Variants in SLC15A2 observed in about 807,000 individuals in gnomAD.
SLC15A2 encodes kidney H(+)/peptide cotransporter.
SLC15A2 carries 77 observed loss-of-function variants against 95.5 expected under a neutral mutation model. That is an observed-to-expected ratio of 0.81 (90% confidence interval 0.67 to 0.97). The LOEUF (loss-of-function observed/expected upper bound fraction) is 0.97. SLC15A2 is among the 50% of genes least tolerant of loss of function. The probability of loss-of-function intolerance (pLI) is 0.00; values close to 1 mark genes in which losing one functional copy is unlikely to be tolerated. For missense variants in SLC15A2, 893 were observed against 874.4 expected, an observed-to-expected ratio of 1.02 and a Z score of -0.27; for synonymous variants, 306 against 306.9, an observed-to-expected ratio of 1.00 and a Z score of 0.03.
At chr3:121,926,634 G>C (rs1176432041) in intron 13 of SLC15A2, among the ~76,000 whole-genome samples, 5 of 152,242 alleles carry the variant, frequency 3.3e-5, no homozygotes, top group African/African-American at 4.8e-5. Context: ...TACTAGGGCA[G>C]TGTGGAGGTA....
At chr3:121,928,776 A>G (rs1710172243) in intron 15 of SLC15A2, among the ~76,000 whole-genome samples, 2 of 152,126 alleles carry the variant, frequency 1.3e-5, no homozygotes, top group Admixed American at 6.6e-5. Context: ...TAATCCTACA[A>G]TGAACATTCT....
At chr3:121,927,717 G>A (rs753777796) in intron 13 of SLC15A2, 41 bp from the exon 14 acceptor site, 1 of 1,470,022 alleles carries the variant, frequency 6.8e-7, no homozygotes, top group African/African-American at 1.4e-5. Context: ...ATCCTTTAGA[G>A]TCTAAAGTTT....
At position 121,894,450 on chromosome 3, in the gene SLC15A2, GGA is replaced by G. The variant is rs754316644; in HGVS notation, c.-15_-14del. Reference sequence around the variant, plus strand: ...CTGCCTACTAAAGCCAAATGCTTGAGGAGAGAGAGAGAGTAAGGAGCCAGCCA... The same window carrying G: ...CTGCCTACTAAAGCCAAATGCTTGAGGAGAGAGAGAGTAAGGAGCCAGCCA... On this transcript the variant is annotated 5_prime_UTR_variant, in exon 1 of 22. Coordinates refer to ENST00000489711, the MANE Select transcript of SLC15A2 (RefSeq NM_021082.4). 1.9e-4 allele frequency: 301 copies of G among 1,578,974 alleles called. No homozygotes were observed. Among genetic ancestry groups the G allele is most frequent in the Middle Eastern group, 3.3e-4 (2 of 5,990 alleles).
intron 3 of SLC15A2, among the ~76,000 whole-genome samples, chr3:121,902,399 G>A (rs1709537226): frequency 2.6e-5 from 4 of 151,656 alleles, no homozygotes; most frequent in African/African-American, 7.3e-5. Context: ...TAGGGTACAC[G>A]TGCACAACGT....
intron 11 of SLC15A2, 55 bp from the exon 12 acceptor site, chr3:121,924,296 A>ATTT: frequency 2.8e-6 from 4 of 1,410,930 alleles, no homozygotes; most frequent in Non-Finnish European, 4.0e-6. Flanking sequence ...CTAGGCCAAC[A>ATTT]TTTTTTTTTC....
intron 19 of SLC15A2, among the ~76,000 whole-genome samples, chr3:121,935,460 C>G (rs1710322361): frequency 6.6e-6 from 1 of 152,170 alleles, no homozygotes; most frequent in Non-Finnish European, 1.5e-5. Flanking sequence ...TTGGTCTATT[C>G]AGAGATTCAA....
intron 2 of SLC15A2, 51 bp downstream of exon 2, chr3:121,896,544 C>G: frequency 7.1e-7 from 1 of 1,400,194 alleles, no homozygotes; most frequent in Non-Finnish European, 1.0e-6. Context: ...CACCCTCACC[C>G]CATGTTTGTG....
intron 12 of SLC15A2, 92 bp from the exon 13 acceptor site, chr3:121,924,853 T>G: frequency 1.1e-6 from 1 of 895,614 alleles, no homozygotes. Context: ...TGTGTAGATG[T>G]GAGACAGAGT....
intron 3 of SLC15A2, among the ~76,000 whole-genome samples, chr3:121,905,923 G>T (rs1036821241): frequency 3.3e-5 from 5 of 152,094 alleles, no homozygotes; most frequent in African/African-American, 1.2e-4. Flanking sequence ...CTATCTCATT[G>T]TTCTGTCTAA....
At chr3:121,896,291 T>C (rs554471942) in intron 1 of SLC15A2, 115 bp from the exon 2 acceptor site, 1 of 803,462 alleles carries the variant, frequency 1.2e-6, no homozygotes, top group East Asian at 2.5e-5. Context: ...AGACCATTGC[T>C]CCATTACCTA....
At chr3:121,935,260 A>G (rs1460970058) in intron 19 of SLC15A2, among the ~76,000 whole-genome samples, 5 of 152,220 alleles carry the variant, frequency 3.3e-5, no homozygotes, top group Non-Finnish European at 2.9e-5. Context: ...CTTTGGTATC[A>G]GAATGATGCT....
chr3:121,919,849 T>C (rs1199371119), intron 7 of SLC15A2, among the ~76,000 whole-genome samples: 1 of 152,160 alleles, frequency 6.6e-6, no homozygotes, highest in Non-Finnish European at 1.5e-5. Context: ...AGGTTGAAGA[T>C]ACAAGATAAA....
intron 11 of SLC15A2, 32 bp downstream of exon 11, chr3:121,923,298 T>A: frequency 6.2e-7 from 1 of 1,600,058 alleles, no homozygotes; most frequent in Non-Finnish European, 8.5e-7. Context: ...GAGAAGTCTA[T>A]TATTTTCTTC....
At chr3:121,920,861 T>C (rs761569652) in intron 7 of SLC15A2, among the ~76,000 whole-genome samples, 1 of 152,186 alleles carries the variant, frequency 6.6e-6, no homozygotes, top group Non-Finnish European at 1.5e-5. Context: ...TACTTGTCAC[T>C]GAGAAAATCA....
chr3:121,912,827 C>A (rs758664533), intron 4 of SLC15A2, among the ~76,000 whole-genome samples, 194 bp from the exon 5 acceptor site: 1 of 151,898 alleles, frequency 6.6e-6, no homozygotes, highest in Non-Finnish European at 1.5e-5. Flanking sequence ...TTGCAGAGGC[C>A]GAAGGATCAT....
intron 3 of SLC15A2, among the ~76,000 whole-genome samples, chr3:121,898,674 G>A (rs1709466429): frequency 6.6e-6 from 1 of 152,182 alleles, no homozygotes; most frequent in East Asian, 1.9e-4. Context: ...CTTACTGCAT[G>A]ACTTCTTATA....
At position 121,940,986 on chromosome 3, in the gene SLC15A2, G is replaced by C; in HGVS notation, c.2169G>C (p.Glu723Asp). The C allele has an allele frequency of 6.2e-7, 1 of 1,613,534 alleles. No homozygotes were observed. The highest frequency in any genetic ancestry group is 8.5e-7 in the Non-Finnish European group (1 of 1,179,802). Residue 723 changes from glutamate (E) to aspartate (D), a missense_variant, in exon 22 of 22, where the codon GAG (glutamate) becomes GAC (aspartate). Glu to Asp is a conservative substitution (Grantham distance 45). Coordinates refer to ENST00000489711, the MANE Select transcript of SLC15A2 (RefSeq NM_021082.4). ...PHIQGNMIKLETKKTKL is the reference protein window; with the variant it reads ...PHIQGNMIKLDTKKTKL ...TCCAGGGGAACATGATCAAACTAGA[G>C]ACCAAGAAGACAAAACTCTGATGAC...
intron 1 of SLC15A2, among the ~76,000 whole-genome samples, chr3:121,896,053 T>A (rs752930962): frequency 6.6e-6 from 1 of 152,222 alleles, no homozygotes; most frequent in Non-Finnish European, 1.5e-5. Context: ...TTCCATAGGC[T>A]ACCTCTTTAT....
chr3:121,926,263 G>A (rs1488734774), intron 13 of SLC15A2, among the ~76,000 whole-genome samples: 1 of 152,162 alleles, frequency 6.6e-6, no homozygotes, highest in Non-Finnish European at 1.5e-5. Context: ...GGATGTTGGA[G>A]GTGGGGTCTG....
Sources: gnomAD v4.1 joint callset for allele counts (sites outside exome capture counted in the v4.1 genomes callset) on GRCh38, gnomAD v4.1.1 for gene constraint, MANE v1.5 for transcripts, NCBI Gene and HGNC (gene_info 2026-07-23, HGNC 2026-07-21) for gene names.